The following UBR1 variants were observed in gnomAD, a reference collection of about 807,000 sequenced individuals.
The protein encoded by UBR1 is ubiquitin protein ligase E3 component n-recognin 1, also known as E3 ubiquitin-protein ligase UBR1.
A neutral mutation model predicts 242.1 loss-of-function variants in UBR1; 102 were observed. That is an observed-to-expected ratio of 0.42 (90% CI 0.36 to 0.50). UBR1 has a LOEUF of 0.50. UBR1 is among the 20% of genes least tolerant of loss of function. UBR1 has a pLI of 0.01. For missense variants in UBR1, 1,772 were observed against 2,101.8 expected (o/e 0.84, Z 3.07); for synonymous variants, 675 against 684.8 (o/e 0.99, Z 0.22).
At chr15:43,093,608 C>T (rs1428185850) in intron 1 of UBR1, among the ~76,000 whole-genome samples, 3 of 151,994 alleles carry the variant, frequency 2.0e-5, no homozygotes, top group Non-Finnish European at 2.9e-5. Flanking sequence ...TGGTAAAACC[C>T]CATCTCTACA....
intron 12 of UBR1, among the ~76,000 whole-genome samples, chr15:43,052,654 A>G (rs1259247528): frequency 6.6e-6 from 1 of 152,224 alleles, no homozygotes; most frequent in Non-Finnish European, 1.5e-5. Flanking sequence ...TAACTAATTT[A>G]AAAACAAGGT....
At chr15:42,950,484 C>T (rs759852249) in intron 45 of UBR1, 121 bp from the exon 46 acceptor site, 3 of 774,480 alleles carry the variant, frequency 3.9e-6, no homozygotes, top group East Asian at 2.6e-5. Flanking sequence ...AGTAAAAAGA[C>T]AATATAAACA....
At position 43,036,093 on chromosome 15, in the gene UBR1, G is replaced by A. The variant is rs1473989153; in HGVS notation, c.2190+85C>T. ...TTAAAGTATAATTTTAAAAAATATG[G>A]CTAAATATGACTGAAATAAAATATG... On this transcript the variant is annotated intron_variant, in intron 19 of 46. Transcript: ENST00000290650. 4.1e-6 allele frequency: 5 copies of A among 1,232,934 alleles called. No homozygotes were observed. In the Admixed American group the frequency reaches 8.7e-5, roughly 21 times the overall value. The allele number at this position is 1,232,934 out of a possible 1,614,324, so 76.4% of individuals were successfully genotyped here. A position where few individuals can be genotyped will look rare whatever the true frequency, so the allele number is the denominator to read the frequency against.
intron 12 of UBR1, among the ~76,000 whole-genome samples, chr15:43,053,426 ATAACTT>A (rs1249906099): frequency 6.6e-6 from 1 of 152,186 alleles, no homozygotes; most frequent in Non-Finnish European, 1.5e-5. Flanking sequence ...TGACCTAACA[ATAACTT>A]TAAGTACTGC....
chr15:43,079,217 A>G (rs1256640400), intron 3 of UBR1, among the ~76,000 whole-genome samples: 11 of 152,188 alleles, frequency 7.2e-5, no homozygotes, highest in Admixed American at 5.2e-4. Flanking sequence ...CTGTAATCCT[A>G]CACCTTGGGA....
intron 20 of UBR1, 79 bp from the exon 21 acceptor site, chr15:43,030,147 C>T: frequency 6.9e-7 from 1 of 1,449,300 alleles, no homozygotes; most frequent in Non-Finnish European, 9.5e-7. Flanking sequence ...GAAGCACTTA[C>T]ACACAGAACA....
chr15:42,972,752 AG>A (rs2032227811), intron 39 of UBR1, among the ~76,000 whole-genome samples: 1 of 152,192 alleles, frequency 6.6e-6, no homozygotes, highest in African/African-American at 2.4e-5. Flanking sequence ...CACCTATTGA[AG>A]GATGTCTTGG....
At chr15:43,015,450 T>C (rs1178437586) in intron 29 of UBR1, among the ~76,000 whole-genome samples, 2 of 152,048 alleles carry the variant, frequency 1.3e-5, no homozygotes, top group Non-Finnish European at 2.9e-5. Flanking sequence ...GGCAGCATGC[T>C]CGTTAAGAGT....
Position 43,007,238 on chromosome 15 carries a change from G to C in UBR1, c.3256C>G (p.Arg1086Gly). 2 of 1,614,072 alleles carry C rather than the reference G, an allele frequency of 1.2e-6. No homozygotes were observed. Among genetic ancestry groups the C allele is most frequent in the Non-Finnish European group, 1.7e-6 (2 of 1,180,000 alleles). The change falls in exon 30 of 47, where the codon CGG (arginine) becomes GGG (glycine). Residue 1086 changes from arginine to glycine, a missense_variant. Around this residue, in one of 3 missense-constraint regions of UBR1, gnomAD observed 965 missense variants for 1,079.7 expected, o/e 0.89. Coordinates refer to ENST00000290650, the MANE Select transcript of UBR1 (RefSeq NM_174916.3). ...TCCTTTTCAGTAACAGATGGACCCC[G>C]TTTAGGACCCAAAGCAATTCTAGAG... ...DYSRIALGPKRGPSVTEKEVL... is the reference protein window; with the variant it reads ...DYSRIALGPKGGPSVTEKEVL...
At position 42,950,392 on chromosome 15, in the gene UBR1, G is replaced by A. The variant is rs1177720617; in HGVS notation, c.5007-29C>T. 1.9e-6 allele frequency: 3 copies of A among 1,599,952 alleles called. No individual in the cohort carries two copies. In the African/African-American group the frequency reaches 4.0e-5, roughly 21 times the overall value. On this transcript the variant is annotated intron_variant, in intron 45 of 46. Coordinates refer to ENST00000290650, the MANE Select transcript of UBR1 (RefSeq NM_174916.3). ...AAAGAGAAAATCAATAGGAAATATG[G>A]TTAAGTGTATGTGTGCAAATGATAG...
In UBR1 at chr15:43,070,863, C is replaced by T; in HGVS notation, c.591G>A (p.Val197=). The part of the protein sequence containing the change: ...IVQARKIFPS[V]IKYVVEMTIW... ...TAGTCATTTCTACGACATATTTTATCACTGAAGGAAATATTTTCCTGGCTT... is the reference window on the plus strand; with the variant it reads ...TAGTCATTTCTACGACATATTTTATTACTGAAGGAAATATTTTCCTGGCTT... The change falls in exon 5 of 47, where the codon GTG becomes GTA. Residue 197 remains valine (V), a synonymous_variant. Transcript: ENST00000290650. 6.2e-7 allele frequency: 1 copy of T among 1,613,810 alleles called. No individual in the cohort carries two copies. Among genetic ancestry groups the T allele is most frequent in the South Asian group, 1.1e-5 (1 of 91,072 alleles).
At position 43,067,949 on chromosome 15, in the gene UBR1, A is replaced by G; in HGVS notation, c.747T>C (p.Leu249=). 2 of 1,613,876 alleles carry G rather than the reference A, an allele frequency of 1.2e-6. No homozygotes were observed. Among genetic ancestry groups the G allele is most frequent in the Non-Finnish European group, 1.7e-6 (2 of 1,179,890 alleles). The change falls in exon 6 of 47, where the codon CTT becomes CTC. Residue 249 remains leucine, a synonymous_variant. Transcript: ENST00000290650. ...ACTGGGCCTCTGCGAGCTCACAGTC[A>G]AGAGCTCTTTGTAGGCTGTATATGA... ...DHVIYSLQRA[L]DCELAEAQLH...
intron 6 of UBR1, among the ~76,000 whole-genome samples, chr15:43,066,182 T>C (rs923300253): frequency 6.6e-6 from 1 of 152,228 alleles, no homozygotes; most frequent in Non-Finnish European, 1.5e-5. Context: ...ATTTTCTGCA[T>C]ATGGCTAGCC....
rs546363344 is a variant in UBR1, at chr15:43,072,407, T to C, written c.529-1482A>G. ...GTTGTGTGTATTTTATGGCCGAAGA[T>C]GTGTATATTTTATGGTTGTAACTGA... On this transcript the variant is annotated intron_variant, in intron 4 of 46. Coordinates refer to ENST00000290650, the MANE Select transcript of UBR1 (RefSeq NM_174916.3). Among the ~76,000 whole-genome samples the C allele has an allele frequency of 5.9e-5, 9 of 152,336 alleles. No individual in the cohort carries two copies. In the South Asian group the frequency reaches 1.9e-3, roughly 32 times the overall value.
chr15:43,015,641 T>TA (rs545035936), intron 29 of UBR1, 47 bp downstream of exon 29: 28,337 of 1,049,966 alleles, frequency 0.027, no homozygotes, highest in Non-Finnish European at 0.031. Context: ...ATGATCAATT[T>TA]AAAAAAAAAA....
chr15:43,078,193 T>C (rs2033930472), intron 3 of UBR1, among the ~76,000 whole-genome samples: 1 of 152,124 alleles, frequency 6.6e-6, no homozygotes, highest in African/African-American at 2.4e-5. Flanking sequence ...AGTTGGGACT[T>C]GATTCACAAA....
intron 1 of UBR1, among the ~76,000 whole-genome samples, chr15:43,090,619 GA>G (rs922386265): frequency 0.011 from 1,529 of 137,012 alleles, 32 homozygotes; most frequent in African/African-American, 0.037. Context: ...ACTAAATGAA[GA>G]AAAAAAAAAA....
At chr15:43,037,996 C>T in intron 16 of UBR1, 113 bp from the exon 17 acceptor site, 1 of 1,217,246 alleles carries the variant, frequency 8.2e-7, no homozygotes, top group Non-Finnish European at 1.2e-6. Context: ...AGAGCTTGAA[C>T]TAGATGACGT....
chr15:43,040,255 T>C (rs1401161932), intron 15 of UBR1, among the ~76,000 whole-genome samples: 1 of 152,120 alleles, frequency 6.6e-6, no homozygotes, highest in Non-Finnish European at 1.5e-5. Context: ...AACAGAGATA[T>C]AGACCAATGG....
Sources: gnomAD v4.1 joint callset for allele counts (sites outside exome capture counted in the v4.1 genomes callset) on GRCh38, gnomAD v4.1.1 for gene constraint, gnomAD v4.1.1 regional missense constraint, MANE v1.5 for transcripts, NCBI Gene and HGNC (gene_info 2026-07-23, HGNC 2026-07-21) for gene names.